CAMTA1: variants seen among roughly 807,000 people sequenced by gnomAD.
The protein encoded by CAMTA1 is calmodulin-binding transcription activator 1.
CAMTA1 carries 27 observed loss-of-function variants against 170.9 expected under a neutral mutation model. The ratio of observed to expected loss-of-function variants is 0.16; its 90% CI spans 0.12 to 0.22. CAMTA1 has a LOEUF of 0.22. Ranked by LOEUF, CAMTA1 falls within the 10% of genes least tolerant of loss-of-function variation. The probability of loss-of-function intolerance (pLI) is 1.00; values close to 1 mark genes in which losing one functional copy is unlikely to be tolerated. For synonymous variants in CAMTA1, 833 were observed against 891.5 expected (o/e 0.93, Z 1.17); for missense variants, 1,619 against 2,217.2 (o/e 0.73, Z 5.42).
chr1:7,079,860 C>G (rs1639786570), intron 3 of CAMTA1, among the ~76,000 whole-genome samples: 1 of 152,174 alleles, frequency 6.6e-6, no homozygotes, highest in African/African-American at 2.4e-5. Context: ...CATCAGAAAT[C>G]ATGCAAGCTA....
intron 7 of CAMTA1, among the ~76,000 whole-genome samples, chr1:7,650,659 C>T (rs939552931): frequency 3.9e-5 from 6 of 152,068 alleles, no homozygotes; most frequent in East Asian, 1.9e-4. Context: ...GATAGGTCCC[C>T]GCATGTGCAC....
chr1:7,510,224 C>G lies in CAMTA1; in HGVS notation c.510+42323C>G, dbSNP rs1339562207. Among the ~76,000 whole-genome samples the G allele has an allele frequency of 2.1e-5, 3 of 141,212 alleles. 1 individual carries two copies. Among genetic ancestry groups the G allele is most frequent in the Non-Finnish European group, 4.7e-5 (3 of 63,210 alleles). The allele number at this position is 141,212 out of a possible 152,430, so 92.6% of individuals were successfully genotyped here. Reference sequence around the variant, plus strand: ...TTTGGGATATTGAAGGGGTAAAGGCCAACAGTTCTTAGGTCTAAGGAGTTT... The same window carrying G: ...TTTGGGATATTGAAGGGGTAAAGGCGAACAGTTCTTAGGTCTAAGGAGTTT... On this transcript the variant is annotated intron_variant, in intron 6 of 22. Transcript: ENST00000303635.
chr1:7,505,305 C>G (rs2094085344), intron 6 of CAMTA1, among the ~76,000 whole-genome samples: 1 of 152,236 alleles, frequency 6.6e-6, no homozygotes, highest in South Asian at 2.1e-4. Flanking sequence ...GAGGCTCCCT[C>G]TGGCTTCTGA....
At chr1:6,900,842 G>C (rs1676780954) in intron 3 of CAMTA1, among the ~76,000 whole-genome samples, 1 of 152,176 alleles carries the variant, frequency 6.6e-6, no homozygotes, top group African/African-American at 2.4e-5. Context: ...TAAGATGTCT[G>C]TTTTCCCTAA....
chr1:7,565,576 C>G lies in CAMTA1; in HGVS notation c.511-74824C>G, dbSNP rs966478150. ...CGGGGCTGGCAGAGCTTGGGACCCTCGAACTCCATTGGGCCTACCTGACTG... is the reference window on the plus strand; with the variant it reads ...CGGGGCTGGCAGAGCTTGGGACCCTGGAACTCCATTGGGCCTACCTGACTG... On this transcript the variant is annotated intron_variant, in intron 6 of 22. Transcript: ENST00000303635. The surrounding 1 kb of genome is among the most constrained non-coding windows in gnomAD (Gnocchi z 4.5). Among the ~76,000 whole-genome samples the G allele has an allele frequency of 1.3e-5, 2 of 152,142 alleles. No homozygotes were observed. Among genetic ancestry groups the G allele is most frequent in the African/African-American group, 4.8e-5 (2 of 41,436 alleles).
In CAMTA1 at chr1:7,364,948, C is replaced by T. The variant is rs116210774; in HGVS notation, c.439-102882C>T. Reference sequence around the variant, plus strand: ...CAGATCAGTCCAGTCAGGGGAATGGCGGTGGCCATGGGCTTCTGTAGTGGA... The same window carrying T: ...CAGATCAGTCCAGTCAGGGGAATGGTGGTGGCCATGGGCTTCTGTAGTGGA... On this transcript the variant is annotated intron_variant, in intron 5 of 22. Transcript: ENST00000303635. Among the ~76,000 whole-genome samples, 606 of 152,326 alleles carry T rather than the reference C, an allele frequency of 4.0e-3. 3 individuals carry two copies. The highest frequency in any genetic ancestry group is 7.3e-3 in the Admixed American group (112 of 15,308).
At chr1:7,525,191 T>C (rs2094416801) in intron 6 of CAMTA1, among the ~76,000 whole-genome samples, 1 of 152,056 alleles carries the variant, frequency 6.6e-6, no homozygotes, top group Non-Finnish European at 1.5e-5. Context: ...CCAGGAAATG[T>C]GTATCCCAGA....
intron 3 of CAMTA1, among the ~76,000 whole-genome samples, chr1:6,901,566 C>A (rs913462814): frequency 1.3e-5 from 2 of 152,152 alleles, no homozygotes. Flanking sequence ...CAAGAGAGTT[C>A]TCTAGACATC....
intron 2 of CAMTA1, among the ~76,000 whole-genome samples, chr1:6,823,775 A>G (rs1024703569): frequency 6.6e-6 from 1 of 152,152 alleles, no homozygotes; most frequent in African/African-American, 2.4e-5. Flanking sequence ...ACTGTACTGA[A>G]CAAAGCCGTA....
chr1:7,345,821 C>T (rs2084180857), intron 5 of CAMTA1, among the ~76,000 whole-genome samples: 1 of 152,184 alleles, frequency 6.6e-6, no homozygotes, highest in Admixed American at 6.5e-5. Context: ...CTGCCACTGA[C>T]CTACCTGCCT....
At chr1:7,367,730 C>T (rs1458807517) in intron 5 of CAMTA1, among the ~76,000 whole-genome samples, 1 of 152,254 alleles carries the variant, frequency 6.6e-6, no homozygotes, top group Non-Finnish European at 1.5e-5. Context: ...GAGTGCTCAC[C>T]CTGACCCAGA....
At chr1:7,124,888 G>C (rs1175481866) in intron 4 of CAMTA1, among the ~76,000 whole-genome samples, 1 of 152,124 alleles carries the variant, frequency 6.6e-6, no homozygotes, top group African/African-American at 2.4e-5. Flanking sequence ...CATTTTATTC[G>C]TGGAAGCCTA....
rs564563988 is a variant in CAMTA1 at position 6,954,250 on chromosome 1, G to A, written c.234+129040G>A. Among the ~76,000 whole-genome samples, 2 of 152,292 alleles carry A rather than the reference G, an allele frequency of 1.3e-5. 1 individual carries two copies. The highest frequency in any genetic ancestry group is 4.1e-4 in the South Asian group (2 of 4,828). ...CCATGGTTAAGGCTCTTGACAGCAC[G>A]TCCAAGGGCCAGGTGCCCCGTGGAA... is the stretch of plus-strand genomic sequence containing the variant. On this transcript the variant is annotated intron_variant, in intron 3 of 22. Transcript: ENST00000303635.
Position 7,738,371 on chromosome 1 carries a change from A to T in CAMTA1, c.4071A>T (p.Glu1357Asp). ...CACCTTCACAGGTGCGTCCACGGGA[A>T]CCAATGAGTGTCCTGATGATGGCTA... ...EAAPSQVRPR[E>D]PMSVLMMANR... Residue 1357 changes from glutamate (E) to aspartate (D), a missense_variant, in exon 16 of 23, where the codon GAA becomes GAT. Coordinates refer to ENST00000303635, the MANE Select transcript of CAMTA1 (RefSeq NM_015215.4). This position sits in a 1 kb window ranked among gnomAD's most constrained non-coding sequence, Gnocchi z 4.9. The T allele has an allele frequency of 6.2e-7, 1 of 1,614,214 alleles. No individual in the cohort carries two copies. Among genetic ancestry groups the T allele is most frequent in the Non-Finnish European group, 8.5e-7 (1 of 1,180,040 alleles).
At chr1:7,599,116 G>T (rs1198140392) in intron 6 of CAMTA1, among the ~76,000 whole-genome samples, 1 of 152,146 alleles carries the variant, frequency 6.6e-6, no homozygotes, top group Non-Finnish European at 1.5e-5. Context: ...TAATTTTTGT[G>T]TAAGGTGTAA....
intron 5 of CAMTA1, among the ~76,000 whole-genome samples, chr1:7,337,782 C>T (rs1009782346): frequency 1.3e-5 from 2 of 152,148 alleles, no homozygotes; most frequent in African/African-American, 4.8e-5. Context: ...GGAGTTCTGC[C>T]TCCAGGCTGC....
intron 3 of CAMTA1, among the ~76,000 whole-genome samples, chr1:7,036,447 C>G (rs1703609382): frequency 6.6e-6 from 1 of 152,204 alleles, no homozygotes; most frequent in Non-Finnish European, 1.5e-5. Flanking sequence ...TGCGATCAGC[C>G]AGGGACCTCA....
At chr1:7,029,725 C>A (rs542009832) in intron 3 of CAMTA1, among the ~76,000 whole-genome samples, 5 of 152,054 alleles carry the variant, frequency 3.3e-5, no homozygotes, top group Non-Finnish European at 5.9e-5. Flanking sequence ...ACCCAAAGAG[C>A]TTCTGCTCAT....
Position 7,156,275 on chromosome 1 carries a change from C to CAA in CAMTA1, c.302+64919_302+64920dup, listed in dbSNP as rs34284954. ...GGCAACAAGAATGAAAACTCCACCTCAAAAAAAAAAAAAAAAGATAAATAG... is the reference window on the plus strand; with the variant it reads ...GGCAACAAGAATGAAAACTCCACCTCAAAAAAAAAAAAAAAAAAGATAAATAG... On this transcript the variant is annotated intron_variant, in intron 4 of 22. Transcript: ENST00000303635. Among the ~76,000 whole-genome samples the CAA allele has an allele frequency of 7.9e-4, 91 of 114,772 alleles. 1 individual carries two copies. The highest frequency in any genetic ancestry group is 1.1e-3 in the African/African-American group (35 of 31,808). 75.3% of individuals were successfully genotyped at this position (114,772 alleles called of 152,430 possible). A position where few individuals can be genotyped will look rare whatever the true frequency, so the allele number is the denominator to read the frequency against.
Sources: gnomAD v4.1 joint callset for allele counts (sites outside exome capture counted in the v4.1 genomes callset) on GRCh38, gnomAD v4.1.1 for gene constraint, Gnocchi (gnomAD v3.1) non-coding constraint, MANE v1.5 for transcripts, NCBI Gene and HGNC (gene_info 2026-07-23, HGNC 2026-07-21) for gene names.